Variants in CNTNAP5 observed in about 807,000 individuals in gnomAD.
CNTNAP5 encodes the protein contactin associated protein family member 5, also known as contactin-associated protein-like 5.
Under a neutral mutation model 150.2 loss-of-function variants are expected in CNTNAP5, and 72 were observed. The observed-to-expected ratio is 0.48, with a 90% CI of 0.40 to 0.58. The LOEUF (loss-of-function observed/expected upper bound fraction) is 0.58, where lower values mean the gene tolerates loss of function less well. CNTNAP5 is among the 20% of genes least tolerant of loss of function. The probability of loss-of-function intolerance (pLI) is 0.00; values close to 1 mark genes in which losing one functional copy is unlikely to be tolerated. For synonymous variants in CNTNAP5, 672 were observed against 619.8 expected (o/e 1.08, Z -1.25); for missense variants, 1,636 against 1,626.2 (o/e 1.01, Z -0.10).
At chr2:124,419,153 A>AAAAAAAAAAAAAAAAAAAAAAAAAAAAAC (rs1553466545) in intron 4 of CNTNAP5, among the ~76,000 whole-genome samples, 2 of 76,410 alleles carry the variant, frequency 2.6e-5, no homozygotes, top group African/African-American at 4.7e-5. Flanking sequence ...AAAAAAAAAA[A>AAAAAAAAAAAAAAAAAAAAAAAAAAAAAC]AAAAAAAAAA....
chr2:124,819,606 G>T (rs188450691), intron 19 of CNTNAP5, among the ~76,000 whole-genome samples: 1 of 152,294 alleles, frequency 6.6e-6, no homozygotes, highest in African/African-American at 2.4e-5. Context: ...AGTGGAGCCT[G>T]CTGGGCTGAG....
rs556571236 is a variant in CNTNAP5, at chr2:124,057,448, A to ATTTTTTTTTT, written c.82+31730_82+31739dup. On this transcript the variant is annotated intron_variant, in intron 1 of 23. Transcript: ENST00000682447. Reference sequence around the variant, plus strand: ...AGGCACCCACCAGCACGGCCAGCTAATTTTTTTTTTTTTTTTTTTTTTTAG... The same window carrying ATTTTTTTTTT: ...AGGCACCCACCAGCACGGCCAGCTAATTTTTTTTTTTTTTTTTTTTTTTTTTTTTTTTTAG... Among the ~76,000 whole-genome samples, 30 of 62,782 alleles carry ATTTTTTTTTT rather than the reference A, an allele frequency of 4.8e-4. 2 individuals are homozygous for ATTTTTTTTTT. Among genetic ancestry groups the ATTTTTTTTTT allele is most frequent in the Admixed American group, 1.6e-3 (7 of 4,430 alleles). The allele number at this position is 62,782 out of a possible 152,430, so 41.2% of individuals were successfully genotyped here.
At chr2:124,698,090 T>G (rs1229268892) in intron 13 of CNTNAP5, among the ~76,000 whole-genome samples, 1 of 152,048 alleles carries the variant, frequency 6.6e-6, no homozygotes, top group Admixed American at 6.6e-5. Flanking sequence ...CCCCAAATAA[T>G]GATATAATAC....
intron 1 of CNTNAP5, among the ~76,000 whole-genome samples, chr2:124,126,026 A>T (rs188632541): frequency 2.0e-5 from 3 of 152,204 alleles, no homozygotes; most frequent in Non-Finnish European, 4.4e-5. Context: ...GAGCAAACAC[A>T]TTCAAAAGCT....
intron 3 of CNTNAP5, among the ~76,000 whole-genome samples, chr2:124,290,079 T>C (rs1299843775): frequency 1.3e-5 from 2 of 152,184 alleles, no homozygotes; most frequent in Non-Finnish European, 2.9e-5. Context: ...GGGTACTATC[T>C]GTGCTTCCCT....
At chr2:124,376,018 C>A (rs146547262) in intron 3 of CNTNAP5, among the ~76,000 whole-genome samples, 213 of 151,986 alleles carry the variant, frequency 1.4e-3, no homozygotes, top group Middle Eastern at 6.8e-3. Flanking sequence ...TGGATGAGTA[C>A]CAAACTTGTA....
At chr2:124,703,566 T>C (rs1679571041) in intron 13 of CNTNAP5, among the ~76,000 whole-genome samples, 1 of 152,166 alleles carries the variant, frequency 6.6e-6, no homozygotes, top group Non-Finnish European at 1.5e-5. Context: ...ATTAATTAAG[T>C]CAACCCTTAG....
intron 1 of CNTNAP5, among the ~76,000 whole-genome samples, chr2:124,148,382 A>G (rs1684308020): frequency 6.6e-6 from 1 of 150,716 alleles, no homozygotes; most frequent in Non-Finnish European, 1.5e-5. Context: ...AAAACATTTT[A>G]CTATGGAAAT....
At chr2:124,142,807 A>G (rs1194179013) in intron 1 of CNTNAP5, among the ~76,000 whole-genome samples, 7 of 150,442 alleles carry the variant, frequency 4.7e-5, no homozygotes, top group African/African-American at 1.7e-4. Context: ...AACTGAAGGA[A>G]ATAGAGACAC....
intron 1 of CNTNAP5, among the ~76,000 whole-genome samples, chr2:124,071,466 GA>G (rs925303915): frequency 6.6e-6 from 1 of 151,416 alleles, no homozygotes; most frequent in Non-Finnish European, 1.5e-5. Flanking sequence ...GACTGACTAA[GA>G]AAAAAAGAGA....
chr2:124,041,924 C>G (rs984159034), intron 1 of CNTNAP5, among the ~76,000 whole-genome samples: 4 of 152,002 alleles, frequency 2.6e-5, no homozygotes, highest in Non-Finnish European at 4.4e-5. Flanking sequence ...TGCAGTGGGG[C>G]CATCTCACCT....
chr2:124,149,470 G>C (rs187216390), intron 1 of CNTNAP5, among the ~76,000 whole-genome samples: 6 of 151,220 alleles, frequency 4.0e-5, no homozygotes, highest in Non-Finnish European at 1.5e-5. Context: ...TGAAATGGGG[G>C]CTAATATCAC....
At chr2:124,489,036 G>A (rs1328910648) in intron 7 of CNTNAP5, among the ~76,000 whole-genome samples, 2 of 152,170 alleles carry the variant, frequency 1.3e-5, no homozygotes, top group African/African-American at 2.4e-5. Flanking sequence ...GGGCCACTAC[G>A]TAGCTAGTGG....
chr2:124,076,134 C>T (rs1033362763), intron 1 of CNTNAP5, among the ~76,000 whole-genome samples: 10 of 152,110 alleles, frequency 6.6e-5, no homozygotes, highest in African/African-American at 2.4e-4. Context: ...CAGGTAGCCT[C>T]ATTACAGATA....
chr2:124,049,274 T>G (rs1399514453), intron 1 of CNTNAP5, among the ~76,000 whole-genome samples: 1 of 152,144 alleles, frequency 6.6e-6, no homozygotes, highest in Admixed American at 6.5e-5. Context: ...CAGGAAGGCT[T>G]CATGTTGCTC....
In CNTNAP5 at chr2:124,272,964, T is replaced by C. The variant is rs545375777; in HGVS notation, c.381+30571T>C. Among the ~76,000 whole-genome samples the C allele has an allele frequency of 3.3e-5, 5 of 152,324 alleles. No individual in the cohort carries two copies. The East Asian group carries it at 9.7e-4, about 29-fold the overall frequency. ...CTGTAGGTCATTTCCTCAAGAATTC[T>C]GCTTAGTTCTTGACCCTCTTCTCCA... On this transcript the variant is annotated intron_variant, in intron 3 of 23. Coordinates refer to ENST00000682447, the MANE Select transcript of CNTNAP5 (RefSeq NM_001367498.1).
chr2:124,692,315 C>T (rs558443984), intron 13 of CNTNAP5, among the ~76,000 whole-genome samples: 2 of 152,278 alleles, frequency 1.3e-5, no homozygotes, highest in East Asian at 3.9e-4. Context: ...TATTGGAATA[C>T]AGCTAAGTGT....
intron 1 of CNTNAP5, among the ~76,000 whole-genome samples, chr2:124,215,578 A>G (rs1260772370): frequency 6.6e-6 from 1 of 152,142 alleles, no homozygotes; most frequent in Non-Finnish European, 1.5e-5. Context: ...AAATATTAAT[A>G]AGGAAATGAA....
intron 1 of CNTNAP5, among the ~76,000 whole-genome samples, chr2:124,133,349 A>G (rs1683904664): frequency 6.6e-6 from 1 of 152,168 alleles, no homozygotes; most frequent in African/African-American, 2.4e-5. Context: ...AGCTTCTTCA[A>G]AGCTTCTTAT....
Sources: gnomAD v4.1 joint callset for allele counts (sites outside exome capture counted in the v4.1 genomes callset) on GRCh38, gnomAD v4.1.1 for gene constraint, MANE v1.5 for transcripts, NCBI Gene and HGNC (gene_info 2026-07-23, HGNC 2026-07-21) for gene names.